The following NEDD1 variants were observed in gnomAD, a reference collection of about 807,000 sequenced individuals.
NEDD1 encodes the protein protein NEDD1.
Under a neutral mutation model 74.0 loss-of-function variants are expected in NEDD1, and 33 were observed. The observed-to-expected ratio is 0.45, with a 90% confidence interval of 0.34 to 0.60. The LOEUF (loss-of-function observed/expected upper bound fraction) is 0.60. Ranked by LOEUF, NEDD1 falls within the 20% of genes least tolerant of loss-of-function variation. The pLI is 0.01. For synonymous variants in NEDD1, 250 were observed against 264.4 expected, an observed-to-expected ratio of 0.95 and a Z score of 0.53; for missense variants, 746 against 776.5, an observed-to-expected ratio of 0.96 and a Z score of 0.47.
At chr12:96,942,808 G>T (rs1219067231) in intron 11 of NEDD1, among the ~76,000 whole-genome samples, 184 bp downstream of exon 11, 1 of 152,066 alleles carries the variant, frequency 6.6e-6, no homozygotes, top group Non-Finnish European at 1.5e-5. Context: ...CTATCTTCCT[G>T]CTTCAATCAG....
intron 6 of NEDD1, among the ~76,000 whole-genome samples, chr12:96,925,754 C>A (rs917053526): frequency 5.9e-5 from 9 of 152,144 alleles, no homozygotes; most frequent in Admixed American, 4.6e-4. Context: ...TTAAATATAT[C>A]TTTTAGTTTA....
intron 6 of NEDD1, among the ~76,000 whole-genome samples, chr12:96,934,211 T>G (rs964681584): frequency 6.6e-6 from 1 of 151,848 alleles, no homozygotes; most frequent in Non-Finnish European, 1.5e-5. Context: ...TTATTGCTTT[T>G]TTTTTTTCTC....
chr12:96,935,258 T>C (rs548810330), intron 7 of NEDD1, 53 bp downstream of exon 7: 1 of 1,062,242 alleles, frequency 9.4e-7, no homozygotes, highest in Non-Finnish European at 1.5e-6. Context: ...TATTATTCCA[T>C]TAACAGGCAT....
At chr12:96,923,788 T>TTTTGTGTGTGTG (rs549447581) in intron 6 of NEDD1, among the ~76,000 whole-genome samples, 3 of 142,250 alleles carry the variant, frequency 2.1e-5, no homozygotes, top group Non-Finnish European at 4.6e-5. Context: ...TAATACCTGT[T>TTTTGTGTGTGTG]TGTGTGTGTG....
chr12:96,907,741 C>T lies in NEDD1; in HGVS notation c.-124C>T. The stretch of plus-strand genomic sequence containing the variant: ...TGAATTGGTTCCTGTAGCCGCTGTC[C>T]CTAAACCCAGGCCGACGTTACCGCC... On this transcript the variant is annotated 5_prime_UTR_variant, in exon 2 of 16. Transcript: ENST00000266742. The T allele has an allele frequency of 1.3e-6, 2 of 1,544,572 alleles. No homozygotes were observed. The highest frequency in any genetic ancestry group is 1.7e-6 in the Non-Finnish European group (2 of 1,143,182).
At chr12:96,912,984 C>T (rs962118989) in intron 4 of NEDD1, among the ~76,000 whole-genome samples, 167 bp downstream of exon 4, 1 of 152,144 alleles carries the variant, frequency 6.6e-6, no homozygotes, top group South Asian at 2.1e-4. Flanking sequence ...TGTGTACTTA[C>T]TAAAGTATTT....
At chr12:96,951,897 C>CA in intron 15 of NEDD1, 52 bp from the exon 16 acceptor site, 1 of 963,108 alleles carries the variant, frequency 1.0e-6, no homozygotes, top group Non-Finnish European at 1.7e-6. Context: ...CATAGCCTGC[C>CA]AAATAAATGT....
At chr12:96,930,660 T>C (rs1291001706) in intron 6 of NEDD1, among the ~76,000 whole-genome samples, 1 of 152,126 alleles carries the variant, frequency 6.6e-6, no homozygotes, top group Non-Finnish European at 1.5e-5. Context: ...ACCATATCTA[T>C]CACAAATAAG....
chr12:96,910,098 TA>T (rs1276585383), intron 3 of NEDD1, among the ~76,000 whole-genome samples: 2 of 152,164 alleles, frequency 1.3e-5, no homozygotes, highest in African/African-American at 4.8e-5. Flanking sequence ...TGCGTTCATT[TA>T]AAAAAAATTT....
At position 96,942,614 on chromosome 12, in the gene NEDD1, C is replaced by A; in HGVS notation, c.1284C>A (p.Gly428=). ...ACAAGGGAAGTGATGAGTCCATAGG[C>A]AAAGGAGATGGTAAGAACTACTTAG... ...VVNKGSDESI[G]KGDGFDFLPQ... is the part of the protein sequence containing the mutation. Residue 428 remains glycine (G), a synonymous_variant, in exon 11 of 16, where the codon GGC becomes GGA. Coordinates refer to ENST00000266742, the MANE Select transcript of NEDD1 (RefSeq NM_152905.4). 6.7e-7 allele frequency: 1 copy of A among 1,497,854 alleles called. No individual in the cohort carries two copies. Among genetic ancestry groups the A allele is most frequent in the Non-Finnish European group, 9.3e-7 (1 of 1,075,884 alleles). 92.8% of individuals were successfully genotyped at this position (1,497,854 alleles called of 1,614,324 possible).
At chr12:96,939,279 A>G (rs1308776523) in intron 9 of NEDD1, among the ~76,000 whole-genome samples, 1 of 152,018 alleles carries the variant, frequency 6.6e-6, no homozygotes, top group Non-Finnish European at 1.5e-5. Flanking sequence ...CTGTTTTCAA[A>G]TGATACCAAA....
At chr12:96,935,840 C>G (rs557246983) in intron 7 of NEDD1, among the ~76,000 whole-genome samples, 3 of 151,470 alleles carry the variant, frequency 2.0e-5, no homozygotes, top group African/African-American at 7.3e-5. Context: ...AAAACAAAAA[C>G]AAAAGAATGC....
chr12:96,934,597 G>A (rs1219388716), intron 6 of NEDD1, among the ~76,000 whole-genome samples: 2 of 151,464 alleles, frequency 1.3e-5, no homozygotes, highest in Non-Finnish European at 2.9e-5. Flanking sequence ...GAGTACAATA[G>A]TGTGATCTTG....
intron 14 of NEDD1, among the ~76,000 whole-genome samples, chr12:96,946,573 G>A (rs925769286): frequency 3.3e-4 from 50 of 151,992 alleles, no homozygotes; most frequent in African/African-American, 1.1e-3. Context: ...TTTAAATGTC[G>A]AAAAATACTT....
chr12:96,911,614 A>G (rs189981411), intron 3 of NEDD1, among the ~76,000 whole-genome samples: 7 of 152,310 alleles, frequency 4.6e-5, no homozygotes, highest in Admixed American at 1.3e-4. Flanking sequence ...TCACTTTCTC[A>G]TGATTTCTAA....
intron 6 of NEDD1, among the ~76,000 whole-genome samples, chr12:96,929,914 T>C (rs1171978932): frequency 6.6e-6 from 1 of 152,138 alleles, no homozygotes; most frequent in Non-Finnish European, 1.5e-5. Flanking sequence ...CACCATGCTT[T>C]TCTGTGAATA....
Position 96,917,614 on chromosome 12 carries a change from T to TTA in NEDD1, c.232-7_232-6insTA. 2 of 1,441,500 alleles carry TTA rather than the reference T, an allele frequency of 1.4e-6. No individual in the cohort carries two copies. The highest frequency in any genetic ancestry group is 1.5e-5 in the South Asian group (1 of 65,152). The allele number at this position is 1,441,500 out of a possible 1,614,324, so 89.3% of individuals were successfully genotyped here. ...TTAAGGTAACTTTTTTTTTTTTTTT[T>TTA]AAATAGCAAAAGCAGACATGTGTCA... On this transcript the variant is annotated splice_polypyrimidine_tract_variant and splice_region_variant and intron_variant, in intron 4 of 15. Transcript: ENST00000266742.
chr12:96,946,185 T>C (rs1878181816), intron 14 of NEDD1, among the ~76,000 whole-genome samples: 1 of 152,138 alleles, frequency 6.6e-6, no homozygotes, highest in South Asian at 2.1e-4. Context: ...CATAGATCTA[T>C]TAGGTATGCT....
At chr12:96,926,468 T>A (rs1236000570) in intron 6 of NEDD1, among the ~76,000 whole-genome samples, 6 of 152,132 alleles carry the variant, frequency 3.9e-5, no homozygotes, top group Non-Finnish European at 8.8e-5. Flanking sequence ...CAGTCCCAGT[T>A]TTCTTAGTGA....
Sources: gnomAD v4.1 joint callset for allele counts (sites outside exome capture counted in the v4.1 genomes callset) on GRCh38, gnomAD v4.1.1 for gene constraint, MANE v1.5 for transcripts, NCBI Gene and HGNC (gene_info 2026-07-23, HGNC 2026-07-21) for gene names.